NRK: variants seen among roughly 807,000 people sequenced by gnomAD.
NRK encodes the protein Nik related kinase, also known as nik-related protein kinase.
A neutral mutation model predicts 125.2 loss-of-function variants in NRK; 67 were observed. The ratio of observed to expected loss-of-function variants is 0.54; its 90% confidence interval spans 0.44 to 0.66. The LOEUF (loss-of-function observed/expected upper bound fraction) is 0.66, where lower values mean the gene tolerates loss of function less well. Among genes scored for constraint, NRK ranks in the 30% least tolerant of loss-of-function variants. The pLI, the probability that NRK is intolerant of heterozygous loss-of-function variation, is 0.00. For missense variants in NRK, 1,224 were observed against 1,192.9 expected, an observed-to-expected ratio of 1.03 and a Z score of -0.38; for synonymous variants, 458 against 429.0, an observed-to-expected ratio of 1.07 and a Z score of -0.84.
intron 2 of NRK, among the ~76,000 whole-genome samples, chrX:105,832,021 A>T (rs1346356575): frequency 9.0e-6 from 1 of 111,665 alleles, no homozygotes; most frequent in Admixed American, 9.6e-5. Flanking sequence ...TTACTGTGCC[A>T]TTATATATCA....
chrX:105,895,606 T>C, intron 7 of NRK, 83 bp downstream of exon 7: 25 of 619,942 alleles, frequency 4.0e-5, no homozygotes, highest in Non-Finnish European at 2.6e-6. Context: ...TTCTATCATG[T>C]CCCTGCCAAT....
intron 19 of NRK, among the ~76,000 whole-genome samples, chrX:105,932,878 A>G (rs577640364): frequency 1.8e-5 from 2 of 111,409 alleles, no homozygotes; most frequent in African/African-American, 6.5e-5. Context: ...CCTTTTGTCC[A>G]TAGTTCCAAT....
intron 2 of NRK, among the ~76,000 whole-genome samples, chrX:105,876,640 A>G (rs2039819735): frequency 8.9e-6 from 1 of 112,017 alleles, no homozygotes; most frequent in Admixed American, 9.5e-5. Flanking sequence ...ATCTAAAACT[A>G]AATTTCTTTC....
At chrX:105,840,299 A>C (rs2039314503) in intron 2 of NRK, among the ~76,000 whole-genome samples, 1 of 111,565 alleles carries the variant, frequency 9.0e-6, no homozygotes, top group African/African-American at 3.2e-5. Flanking sequence ...TTTCACAACT[A>C]CTCTAATCTG....
At chrX:105,916,833 A>G (rs761170019) in intron 15 of NRK, among the ~76,000 whole-genome samples, 7 of 111,899 alleles carry the variant, frequency 6.3e-5, no homozygotes, top group African/African-American at 1.6e-4. Flanking sequence ...GTAATTGTTC[A>G]CTTTACAAAA....
At chrX:105,955,391 A>C (rs2040962412) in intron 28 of NRK, 114 bp from the exon 29 acceptor site, 2 of 415,438 alleles carry the variant, frequency 4.8e-6, no homozygotes, top group Admixed American at 4.3e-5. Flanking sequence ...TATTCCACAA[A>C]ACAGTAAGGC....
rs5962594 is a variant in NRK at position 105,871,633 on chromosome X, G to T, written c.124-8566G>T. Among the ~76,000 whole-genome samples, 349 of 111,123 alleles carry T rather than the reference G, an allele frequency of 3.1e-3. 3 individuals carry two copies. Among genetic ancestry groups the T allele is most frequent in the African/African-American group, 0.011 (338 of 30,544 alleles). ...CTGTGCTAGACCCTAAATTTAGAGA[G>T]GAAAGTTACCCTTAGGGAGCTGCCA... On this transcript the variant is annotated intron_variant, in intron 2 of 28. Coordinates refer to ENST00000243300, the MANE Select transcript of NRK (RefSeq NM_198465.4).
chrX:105,850,421 T>C (rs1435614251), intron 2 of NRK, among the ~76,000 whole-genome samples: 5 of 112,201 alleles, frequency 4.5e-5, no homozygotes, highest in Admixed American at 9.4e-5. Flanking sequence ...CCCCATTGTC[T>C]TGGTGATTAG....
At chrX:105,950,945 C>CT (rs1398774069) in intron 27 of NRK, among the ~76,000 whole-genome samples, 2 of 109,270 alleles carry the variant, frequency 1.8e-5, no homozygotes, top group African/African-American at 6.6e-5. Context: ...GAAAGAACTG[C>CT]TTTTTAATGA....
At chrX:105,921,133 A>G (rs1372898838) in intron 16 of NRK, among the ~76,000 whole-genome samples, 2 of 105,406 alleles carry the variant, frequency 1.9e-5, no homozygotes, top group East Asian at 5.9e-4. Flanking sequence ...CATATACACC[A>G]TGGAATACTA....
At chrX:105,881,617 C>T in intron 3 of NRK, 91 bp from the exon 4 acceptor site, 1 of 442,418 alleles carries the variant, frequency 2.3e-6, no homozygotes, top group Non-Finnish European at 3.9e-6. Flanking sequence ...CTTACTTTTC[C>T]ATTGAGTGCT....
At chrX:105,843,889 A>G (rs2039362012) in intron 2 of NRK, among the ~76,000 whole-genome samples, 1 of 109,956 alleles carries the variant, frequency 9.1e-6, no homozygotes, top group African/African-American at 3.3e-5. Context: ...ACTACCTTAC[A>G]TTTTAGTAGA....
intron 25 of NRK, 59 bp from the exon 26 acceptor site, chrX:105,946,256 T>C: frequency 7.8e-6 from 8 of 1,020,508 alleles, no homozygotes; most frequent in Non-Finnish European, 9.3e-6. Flanking sequence ...GAGGGAATTT[T>C]TGCCTTAGTT....
chrX:105,918,346 C>A (rs2040392658), intron 16 of NRK, among the ~76,000 whole-genome samples: 1 of 110,863 alleles, frequency 9.0e-6, no homozygotes, highest in Non-Finnish European at 1.9e-5. Context: ...TTTAAGCAAT[C>A]CAGGTAAGTT....
chrX:105,908,480 G>A (rs1205290185), intron 12 of NRK, among the ~76,000 whole-genome samples, 177 bp downstream of exon 12: 1 of 111,863 alleles, frequency 8.9e-6, no homozygotes, highest in African/African-American at 3.2e-5. Flanking sequence ...ACTACCCAAA[G>A]ACTCCTTAAT....
chrX:105,900,735 A>ATC, intron 9 of NRK, 63 bp downstream of exon 9: 4 of 697,373 alleles, frequency 5.7e-6, no homozygotes, highest in Non-Finnish European at 8.9e-6. Context: ...AATCATACAA[A>ATC]TCTCTCTCTG....
At chrX:105,855,464 C>G (rs184527330) in intron 2 of NRK, among the ~76,000 whole-genome samples, 31 of 111,141 alleles carry the variant, frequency 2.8e-4, no homozygotes, top group African/African-American at 9.1e-4. Flanking sequence ...TGAGAAGATT[C>G]GGGGTGAGGC....
At position 105,909,271 on chromosome X, in the gene NRK, C is replaced by G. The variant is rs752168538; in HGVS notation, c.1630C>G (p.Gln544Glu). The change falls in exon 13 of 29, where the codon CAG becomes GAG. Residue 544 changes from glutamine (Q) to glutamate (E), a missense_variant. Physicochemically the swap from Gln to Glu is conservative, Grantham distance 29. Coordinates refer to ENST00000243300, the MANE Select transcript of NRK (RefSeq NM_198465.4). ...QAPEQQQRHN[Q>E]VPEQELEQNQ... is the part of the protein sequence containing the mutation. ...CCCTGAACAACAGCAGAGGCACAAC[C>G]AGGTGCCTGAACAAGAGCTGGAGCA... is the stretch of plus-strand genomic sequence containing the variant. 3.3e-6 allele frequency: 4 copies of G among 1,207,697 alleles called. No individual in the cohort carries two copies. The highest frequency in any genetic ancestry group is 4.4e-5 in the Admixed American group (2 of 45,605).
Position 105,918,238 on chromosome X carries a change from C to T in NRK, c.2512+566C>T, listed in dbSNP as rs376006664. Among the ~76,000 whole-genome samples, 5 of 111,099 alleles carry T rather than the reference C, an allele frequency of 4.5e-5. No individual in the cohort carries two copies. The East Asian group carries it at 8.5e-4, about 19-fold the overall frequency. On this transcript the variant is annotated intron_variant, in intron 16 of 28. Transcript: ENST00000243300. ...TTTCAAAAAAGTATTTTAAGATGTG[C>T]TTTTGAGAGAGTTTAAATGAATTAT...
Sources: allele counts gnomAD v4.1 joint callset (sites outside exome capture counted in the v4.1 genomes callset), GRCh38; gene constraint gnomAD v4.1.1; transcripts MANE v1.5; gene names NCBI Gene and HGNC (gene_info 2026-07-23, HGNC 2026-07-21).